SCLT1: variants seen among roughly 807,000 people sequenced by gnomAD.
SCLT1 encodes the protein sodium channel-associated protein 1.
Under a neutral mutation model 112.8 loss-of-function variants are expected in SCLT1, and 78 were observed. The observed-to-expected ratio is 0.69, with a 90% CI of 0.58 to 0.83. The LOEUF (loss-of-function observed/expected upper bound fraction) is 0.83. Ranked by LOEUF, SCLT1 falls within the 40% of genes least tolerant of loss-of-function variation. SCLT1 has a pLI of 0.00. For missense variants in SCLT1, 747 were observed against 770.4 expected (o/e 0.97, Z 0.36); for synonymous variants, 257 against 254.7 (o/e 1.01, Z -0.09).
intron 2 of SCLT1, among the ~76,000 whole-genome samples, chr4:129,061,030 T>C (rs1749918248): frequency 1.3e-5 from 2 of 152,110 alleles, no homozygotes; most frequent in Admixed American, 1.3e-4. Flanking sequence ...GGCACAGCAC[T>C]GGCCCAACTC....
intron 2 of SCLT1, among the ~76,000 whole-genome samples, chr4:129,067,533 T>C (rs1750598004): frequency 6.6e-6 from 1 of 152,090 alleles, no homozygotes. Context: ...TTTTTTGAGA[T>C]AGAGTCTGGC....
rs941940513 is a variant in SCLT1, at chr4:128,976,235, T to C, written c.687-5767A>G. Among the ~76,000 whole-genome samples, 6 of 152,312 alleles carry C rather than the reference T, an allele frequency of 3.9e-5. No homozygotes were observed. The East Asian group carries it at 5.8e-4, about 15-fold the overall frequency. Reference sequence around the variant, plus strand: ...ATCTGAGACTTACTCATTCAGGACGTCTGCAAGCAGTACTTGGTCATCTCT... The same window carrying C: ...ATCTGAGACTTACTCATTCAGGACGCCTGCAAGCAGTACTTGGTCATCTCT... On this transcript the variant is annotated intron_variant, in intron 9 of 20. Transcript: ENST00000281142.
chr4:129,022,557 TC>T (rs1745586156), intron 5 of SCLT1, among the ~76,000 whole-genome samples: 1 of 151,968 alleles, frequency 6.6e-6, no homozygotes, highest in Admixed American at 6.6e-5. Context: ...CATCTGAAGA[TC>T]AATTTACTGA....
chr4:129,069,922 T>C (rs1750836499), intron 2 of SCLT1, among the ~76,000 whole-genome samples: 1 of 152,162 alleles, frequency 6.6e-6, no homozygotes, highest in South Asian at 2.1e-4. Context: ...TGTTGAGGTA[T>C]GTCCCTTGTA....
At chr4:128,895,900 T>C (rs979764438) in intron 18 of SCLT1, among the ~76,000 whole-genome samples, 4 of 152,242 alleles carry the variant, frequency 2.6e-5, no homozygotes, top group African/African-American at 9.6e-5. Context: ...ATCCTCTGCC[T>C]GGCTTGAAGG....
chr4:129,006,268 G>A (rs1380414190), intron 5 of SCLT1, among the ~76,000 whole-genome samples: 7 of 152,010 alleles, frequency 4.6e-5, no homozygotes, highest in African/African-American at 1.2e-4. Context: ...AGCCAGGTTC[G>A]GTGGCTCACA....
chr4:129,060,737 T>C (rs771601958), intron 2 of SCLT1, among the ~76,000 whole-genome samples: 8 of 152,166 alleles, frequency 5.3e-5, no homozygotes, highest in Admixed American at 6.5e-5. Context: ...GGGAGACTTA[T>C]CAAGAGGATC....
intron 5 of SCLT1, 41 bp downstream of exon 5, chr4:129,039,000 A>G: frequency 8.4e-7 from 1 of 1,192,844 alleles, no homozygotes; most frequent in Non-Finnish European, 1.2e-6. Context: ...AAGTTACCTA[A>G]GACAATAATA....
In SCLT1 at chr4:128,957,092, GTCT is replaced by G. The variant is rs778351421; in HGVS notation, c.1077_1079del (p.Glu359del). 1.1e-5 allele frequency: 17 copies of G among 1,599,414 alleles called. No homozygotes were observed. The highest frequency in any genetic ancestry group is 6.8e-5 in the East Asian group (3 of 44,356). On this transcript the variant is annotated inframe_deletion, in exon 13 of 21. Coordinates refer to ENST00000281142, the MANE Select transcript of SCLT1 (RefSeq NM_144643.4). Reference sequence around the variant, plus strand: ...AAACTGTCTCTTTCATTTTCTCTATGTCTTCTTCTTTTTGCTTCTCCTCAAGTA... The same window carrying G: ...AAACTGTCTCTTTCATTTTCTCTATGTCTTCTTTTTGCTTCTCCTCAAGTA...
rs1746946966 is a variant in SCLT1 at position 129,033,671 on chromosome 4, C to T, written c.290+5370G>A. On this transcript the variant is annotated intron_variant, in intron 5 of 20. Transcript: ENST00000281142. Reference sequence around the variant, plus strand: ...AAGAGACTGGATGAAGGGAAAAGTCCAGTCCTGTGCAGCTCTGGAGAAACA... The same window carrying T: ...AAGAGACTGGATGAAGGGAAAAGTCTAGTCCTGTGCAGCTCTGGAGAAACA... 4.0e-5 allele frequency among the ~76,000 whole-genome samples: 6 copies of T among 151,856 alleles called. 1 individual carries two copies. The highest frequency in any genetic ancestry group is 3.9e-4 in the Admixed American group (6 of 15,210).
intron 9 of SCLT1, among the ~76,000 whole-genome samples, chr4:128,989,867 C>T (rs527245092): frequency 6.6e-6 from 1 of 151,726 alleles, no homozygotes; most frequent in South Asian, 2.1e-4. Flanking sequence ...TGAATAAATT[C>T]CTAGAAACAT....
intron 2 of SCLT1, among the ~76,000 whole-genome samples, chr4:129,077,998 T>C (rs1025585097): frequency 6.6e-6 from 1 of 151,910 alleles, no homozygotes; most frequent in Non-Finnish European, 1.5e-5. Context: ...GGGATGGGAG[T>C]CTGGAAACAG....
chr4:129,046,780 C>T (rs2125704137), intron 2 of SCLT1, among the ~76,000 whole-genome samples: 1 of 152,198 alleles, frequency 6.6e-6, no homozygotes, highest in Middle Eastern at 3.4e-3. Flanking sequence ...CCCATTTACT[C>T]TCCCACAGGC....
At chr4:128,887,740 AT>A (rs1732993939) in intron 20 of SCLT1, among the ~76,000 whole-genome samples, 1 of 152,066 alleles carries the variant, frequency 6.6e-6, no homozygotes, top group African/African-American at 2.4e-5. Flanking sequence ...ATCCCTTAGT[AT>A]TTCATTGTTA....
rs1464284099 is a variant in SCLT1, at chr4:128,983,126, G to A, written c.686+9041C>T. On this transcript the variant is annotated intron_variant, in intron 9 of 20. Transcript: ENST00000281142. ...TGGTCTCAAACTCCCGACCTCAGGT[G>A]ATCCGCCCGCCTCAGCCTCCCAAAG... 3.3e-5 allele frequency among the ~76,000 whole-genome samples: 5 copies of A among 152,272 alleles called. No homozygotes were observed. The East Asian group carries it at 7.7e-4, about 24-fold the overall frequency.
chr4:128,992,298 G>T, intron 8 of SCLT1, 61 bp from the exon 9 acceptor site: 2 of 1,000,616 alleles, frequency 2.0e-6, no homozygotes, highest in South Asian at 3.0e-5. Flanking sequence ...CTTTAAAGAT[G>T]ACACATCAGA....
At chr4:129,012,939 C>A (rs1744667147) in intron 5 of SCLT1, among the ~76,000 whole-genome samples, 1 of 152,044 alleles carries the variant, frequency 6.6e-6, no homozygotes, top group South Asian at 2.1e-4. Context: ...AGACAGCATA[C>A]CAACGGGTTT....
intron 4 of SCLT1, among the ~76,000 whole-genome samples, chr4:129,042,509 C>G (rs534966745): frequency 9.9e-5 from 15 of 151,876 alleles, no homozygotes; most frequent in Admixed American, 2.6e-4. Context: ...TGAAAGGATG[C>G]GAGACAGTTT....
chr4:128,880,037 A>C (rs1732607946), downstream of SCLT1, among the ~76,000 whole-genome samples: 1 of 152,212 alleles, frequency 6.6e-6, no homozygotes. Flanking sequence ...AGGATGCCAC[A>C]TGGATTTACT....
Sources: gnomAD v4.1 joint callset for allele counts (sites outside exome capture counted in the v4.1 genomes callset) on GRCh38, gnomAD v4.1.1 for gene constraint, MANE v1.5 for transcripts, NCBI Gene and HGNC (gene_info 2026-07-23, HGNC 2026-07-21) for gene names.